DHX34: variants seen among roughly 807,000 people sequenced by gnomAD.
DHX34 encodes the protein probable ATP-dependent RNA helicase DHX34.
A neutral mutation model predicts 111.1 loss-of-function variants in DHX34; 96 were observed. The observed-to-expected ratio is 0.86, with a 90% confidence interval of 0.73 to 1.02. DHX34 has a LOEUF of 1.02. DHX34 is among the 50% of genes least tolerant of loss of function. The probability of loss-of-function intolerance (pLI) is 0.00; values close to 1 mark genes in which losing one functional copy is unlikely to be tolerated. For missense variants in DHX34, 1,560 were observed against 1,579.9 expected (o/e 0.99, Z 0.21); for synonymous variants, 688 against 670.4 (o/e 1.03, Z -0.41).
chr19:47,350,648 G>A (rs767378082), intron 1 of DHX34, among the ~76,000 whole-genome samples: 15 of 151,998 alleles, frequency 9.9e-5, no homozygotes, highest in Non-Finnish European at 1.3e-4. Context: ...TCGCACTCCC[G>A]ACCTCAGGTG....
intron 3 of DHX34, among the ~76,000 whole-genome samples, chr19:47,355,922 G>C (rs1282994686): frequency 6.6e-6 from 1 of 151,868 alleles, no homozygotes; most frequent in Non-Finnish European, 1.5e-5. Flanking sequence ...TAACAGTGTG[G>C]CTGGTCCAGG....
Position 47,376,487 on chromosome 19 carries a change from C to T in DHX34, c.2526C>T (p.Thr842=), listed in dbSNP as rs558203898. The T allele has an allele frequency of 1.2e-6, 2 of 1,609,342 alleles. No individual in the cohort carries two copies. The highest frequency in any genetic ancestry group is 4.5e-5 in the East Asian group (2 of 44,700). Residue 842 remains threonine (T), a synonymous_variant, in exon 12 of 17, where the codon ACC becomes ACT. Transcript: ENST00000328771. The part of the protein sequence containing the change: ...QAKQGAVLHP[T]CVFAGSPEVL... ...AGCAGGGCGCCGTGCTGCACCCCAC[C>T]TGCGTCTTCGCTGGCAGCCCCGAGG...
chr19:47,353,109 A>G lies in DHX34; in HGVS notation c.79A>G (p.Lys27Glu). The G allele has an allele frequency of 6.2e-7, 1 of 1,614,024 alleles. No individual in the cohort carries two copies. ...TCCCAGCGAGGAAGAGGCCTTGGAGAAATGGGACTGGAATTGTCCAGAGAC... is the reference window on the plus strand; with the variant it reads ...TCCCAGCGAGGAAGAGGCCTTGGAGGAATGGGACTGGAATTGTCCAGAGAC... Reference protein sequence around the residue: ...RAPSEEEALEKWDWNCPETRR... With the variant: ...RAPSEEEALEEWDWNCPETRR... Residue 27 changes from lysine (K) to glutamate (E), a missense_variant, in exon 2 of 17, where the codon AAA (lysine) becomes GAA (glutamate). By Grantham distance (56) the Lys-to-Glu change is moderately conservative (BLOSUM62 1). Transcript: ENST00000328771. The surrounding 1 kb of genome is among the most constrained non-coding windows in gnomAD (Gnocchi z 4.6).
At chr19:47,381,467 G>C in intron 16 of DHX34, 143 bp downstream of exon 16, 1 of 1,246,368 alleles carries the variant, frequency 8.0e-7, no homozygotes, top group East Asian at 2.6e-5. Context: ...GCCACACACA[G>C]GCCTTGTCCT....
At position 47,382,404 on chromosome 19, in the gene DHX34, G is replaced by A. The variant is rs1803495; in HGVS notation, c.*291G>A. The A allele has an allele frequency of 3.4e-5, 13 of 381,402 alleles. No homozygotes were observed. Among genetic ancestry groups the A allele is most frequent in the Middle Eastern group, 7.5e-4 (1 of 1,336 alleles). The allele number at this position is 381,402 out of a possible 1,614,324, so 23.6% of individuals were successfully genotyped here. On this transcript the variant is annotated 3_prime_UTR_variant, in exon 17 of 17. Coordinates refer to ENST00000328771, the MANE Select transcript of DHX34 (RefSeq NM_014681.6). ...CTGAGGGGTCCTGGGTAGGAGGGGC[G>A]TTAGAGCCAGCAGGGACCTCCCATG... is the stretch of plus-strand genomic sequence containing the variant.
At chr19:47,357,554 G>A (rs1036428385) in intron 3 of DHX34, among the ~76,000 whole-genome samples, 8 of 152,144 alleles carry the variant, frequency 5.3e-5, no homozygotes, top group African/African-American at 1.9e-4. Context: ...CATCTAGTGG[G>A]TAGGGCCAGG....
Position 47,376,032 on chromosome 19 carries a change from C to G in DHX34, c.2416C>G (p.Arg806Gly). 1.2e-6 allele frequency: 2 copies of G among 1,604,174 alleles called. No homozygotes were observed. The highest frequency in any genetic ancestry group is 1.1e-5 in the South Asian group (1 of 90,556). Residue 806 changes from arginine to glycine, a missense_variant, in exon 11 of 17, where the codon CGG (arginine) becomes GGG (glycine). Physicochemically the swap from Arg to Gly is moderately radical, Grantham distance 125. Transcript: ENST00000328771. ...GGCTCTGCTGAAGCTGGTGCTGGGC[C>G]GGGGCCTGTACCCACAGCTGGCCGT... The part of the protein sequence containing the change: ...QLALLKLVLG[R>G]GLYPQLAVPD...
intron 6 of DHX34, 47 bp from the exon 7 acceptor site, chr19:47,366,934 G>A: frequency 6.7e-7 from 1 of 1,501,518 alleles, no homozygotes; most frequent in Non-Finnish European, 8.9e-7. Context: ...GTGCTGCACA[G>A]TGGCTCTTGT....
At position 47,382,018 on chromosome 19, in the gene DHX34, T is replaced by G; in HGVS notation, c.3337T>G (p.Ser1113Ala). 1 of 1,614,072 alleles carries G rather than the reference T, an allele frequency of 6.2e-7. No individual in the cohort carries two copies. The highest frequency in any genetic ancestry group is 8.5e-7 in the Non-Finnish European group (1 of 1,179,984). Residue 1113 changes from serine to alanine, a missense_variant, in exon 17 of 17, where the codon TCT (serine) becomes GCT (alanine). Transcript: ENST00000328771. ...TGCCCTCGAAACCCTCCAGAAGACA[T>G]CTGTCCTGCAGAGGCCCTACCACTG... Reference protein sequence around the residue: ...EAALETLQKTSVLQRPYHCEA... With the variant: ...EAALETLQKTAVLQRPYHCEA...
chr19:47,359,718 G>T lies in DHX34; in HGVS notation c.1273-250G>T, dbSNP rs562671774. 32 of 367,796 alleles carry T rather than the reference G, an allele frequency of 8.7e-5. 1 individual carries two copies. Among genetic ancestry groups the T allele is most frequent in the African/African-American group, 6.6e-4 (30 of 45,434 alleles). The allele number at this position is 367,796 out of a possible 1,614,324, so 22.8% of individuals were successfully genotyped here. ...AATTGCTTGAACCCGGGAGGCAGAG[G>T]TTGCAGTGAGCCGAGATCACGCCAC... is the stretch of plus-strand genomic sequence containing the variant. On this transcript the variant is annotated intron_variant, in intron 4 of 16. Transcript: ENST00000328771.
At chr19:47,381,953 C>T in intron 16 of DHX34, 27 bp from the exon 17 acceptor site, 1 of 1,613,864 alleles carries the variant, frequency 6.2e-7, no homozygotes, top group Non-Finnish European at 8.5e-7. Context: ...ACACGCCCCT[C>T]ACAGCCTCCT....
intron 6 of DHX34, among the ~76,000 whole-genome samples, chr19:47,364,661 C>T (rs1969736409): frequency 6.6e-6 from 1 of 151,966 alleles, no homozygotes; most frequent in Admixed American, 6.6e-5. Flanking sequence ...TCGCTAGAGC[C>T]CAGGAGTTCG....
chr19:47,358,412 G>A (rs1969526421), intron 4 of DHX34, among the ~76,000 whole-genome samples: 1 of 151,972 alleles, frequency 6.6e-6, no homozygotes, highest in Non-Finnish European at 1.5e-5. Context: ...GTTGCAGCAT[G>A]AAAGCAGCCA....
chr19:47,358,460 T>G (rs1325758401), intron 4 of DHX34, among the ~76,000 whole-genome samples: 1 of 151,970 alleles, frequency 6.6e-6, no homozygotes, highest in South Asian at 2.1e-4. Flanking sequence ...AAAACAGTTT[T>G]TTTTTTTTTT....
chr19:47,365,042 C>A (rs1168232209), intron 6 of DHX34, among the ~76,000 whole-genome samples: 1 of 151,968 alleles, frequency 6.6e-6, no homozygotes, highest in Non-Finnish European at 1.5e-5. Flanking sequence ...GTCTCTCATC[C>A]TCTCTTGTCA....
intron 9 of DHX34, 152 bp from the exon 10 acceptor site, chr19:47,375,314 G>A (rs1010181265): frequency 7.1e-6 from 10 of 1,399,884 alleles, no homozygotes; most frequent in Non-Finnish European, 9.2e-6. Flanking sequence ...TCTCTCTCTG[G>A]AGCAGCGATC....
Position 47,375,602 on chromosome 19 carries a change from G to T in DHX34, c.2201G>T (p.Arg734Leu), listed in dbSNP as rs200092838. Residue 734 changes from arginine to leucine, a missense_variant, in exon 10 of 17, where the codon CGC becomes CTC. Coordinates refer to ENST00000328771, the MANE Select transcript of DHX34 (RefSeq NM_014681.6). ...LKRQHEEGAG[R>L]RRKVLRLQEE... is the part of the protein sequence containing the mutation. ...CGCCAGCACGAGGAGGGCGCGGGGC[G>T]CAGGCGCAAGGTGCTGCGGCTGCAG... The T allele has an allele frequency of 1.9e-6, 3 of 1,547,156 alleles. No individual in the cohort carries two copies. The highest frequency in any genetic ancestry group is 2.0e-5 in the Admixed American group (1 of 50,898).
At chr19:47,372,677 G>C (rs2122318996) in intron 7 of DHX34, 53 bp from the exon 8 acceptor site, 2 of 1,516,034 alleles carry the variant, frequency 1.3e-6, no homozygotes, top group Non-Finnish European at 1.8e-6. Context: ...GAGGGGTGAG[G>C]GCTGCGCCTG....
At chr19:47,379,639 G>C in intron 13 of DHX34, 71 bp from the exon 14 acceptor site, 1 of 1,517,178 alleles carries the variant, frequency 6.6e-7, no homozygotes. Flanking sequence ...GAGCCCAGCC[G>C]GGCAGGGCCT....
Sources: gnomAD v4.1 joint callset for allele counts (sites outside exome capture counted in the v4.1 genomes callset) on GRCh38, gnomAD v4.1.1 for gene constraint, Gnocchi (gnomAD v3.1) non-coding constraint, MANE v1.5 for transcripts, NCBI Gene and HGNC (gene_info 2026-07-23, HGNC 2026-07-21) for gene names.